Variants in ZNF407 observed in about 807,000 individuals in gnomAD.
The protein encoded by ZNF407 is zinc finger protein 407.
ZNF407 carries 17 observed loss-of-function variants against 131.2 expected under a neutral mutation model. The observed-to-expected ratio is 0.13, with a 90% CI of 0.09 to 0.19. The LOEUF (loss-of-function observed/expected upper bound fraction) is 0.19. Ranked by LOEUF, ZNF407 falls within the 10% of genes least tolerant of loss-of-function variation. The probability of loss-of-function intolerance (pLI) is 1.00; values close to 1 mark genes in which losing one functional copy is unlikely to be tolerated. For missense variants in ZNF407, 2,681 were observed against 2,830.6 expected, an observed-to-expected ratio of 0.95 and a Z score of 1.20; for synonymous variants, 1,156 against 1,062.0, an observed-to-expected ratio of 1.09 and a Z score of -1.72.
chr18:74,856,010 A>G (rs1970854350), intron 4 of ZNF407, among the ~76,000 whole-genome samples: 1 of 152,206 alleles, frequency 6.6e-6, no homozygotes, highest in Non-Finnish European at 1.5e-5. Flanking sequence ...TTTGTTTACA[A>G]CACTTACATG....
intron 3 of ZNF407, among the ~76,000 whole-genome samples, chr18:74,766,104 A>G (rs1292994654): frequency 6.6e-6 from 1 of 151,934 alleles, no homozygotes; most frequent in African/African-American, 2.4e-5. Flanking sequence ...TAAAGTTAAT[A>G]TACTTGTTAC....
chr18:74,987,804 A>G (rs1325186148), intron 8 of ZNF407, among the ~76,000 whole-genome samples: 1 of 152,220 alleles, frequency 6.6e-6, no homozygotes, highest in Non-Finnish European at 1.5e-5. Context: ...AGAGGAGTTA[A>G]AGAAGACCAA....
chr18:74,907,586 G>T (rs546172639), intron 7 of ZNF407, among the ~76,000 whole-genome samples: 3 of 152,298 alleles, frequency 2.0e-5, no homozygotes, highest in Non-Finnish European at 2.9e-5. Flanking sequence ...CCGGGATGTG[G>T]TTGATTTCCA....
chr18:75,022,367 G>A (rs1973121189), intron 8 of ZNF407, among the ~76,000 whole-genome samples: 1 of 152,142 alleles, frequency 6.6e-6, no homozygotes, highest in South Asian at 2.1e-4. Flanking sequence ...ATATCAAGGG[G>A]TTGGGGCCAC....
chr18:74,855,431 A>G (rs1286265925), intron 4 of ZNF407, among the ~76,000 whole-genome samples: 2 of 152,228 alleles, frequency 1.3e-5, no homozygotes, highest in Non-Finnish European at 2.9e-5. Flanking sequence ...AACAGTAATA[A>G]TCACAAAAGC....
chr18:74,671,742 G>A (rs59261846), intron 3 of ZNF407, among the ~76,000 whole-genome samples: 3,905 of 152,190 alleles, frequency 0.026, 146 homozygotes, highest in African/African-American at 0.083. Context: ...AATCCCTTTT[G>A]TGTGCTGTGA....
chr18:74,904,844 G>A lies in ZNF407; in HGVS notation c.5249+14806G>A, dbSNP rs150581723. ...ATATGATAAATATATCTGAAGCAGT[G>A]GCATATCAATATGTAAGTTTACTGT... On this transcript the variant is annotated intron_variant, in intron 7 of 8. Transcript: ENST00000299687. Among the ~76,000 whole-genome samples, 20 of 152,230 alleles carry A rather than the reference G, an allele frequency of 1.3e-4. 1 individual carries two copies. In the East Asian group the frequency reaches 3.9e-3, roughly 29 times the overall value.
At chr18:74,810,751 A>G (rs1193363176) in intron 4 of ZNF407, among the ~76,000 whole-genome samples, 1 of 152,204 alleles carries the variant, frequency 6.6e-6, no homozygotes, top group African/African-American at 2.4e-5. Context: ...GCAATGGGGA[A>G]AGGATTCCCT....
intron 3 of ZNF407, among the ~76,000 whole-genome samples, chr18:74,701,320 A>C (rs548708110): frequency 5.9e-5 from 9 of 152,228 alleles, no homozygotes; most frequent in Non-Finnish European, 8.8e-5. Flanking sequence ...CAGTGTGTTG[A>C]GCATCTCATC....
At chr18:74,818,125 A>T (rs941683498) in intron 4 of ZNF407, among the ~76,000 whole-genome samples, 1 of 152,206 alleles carries the variant, frequency 6.6e-6, no homozygotes, top group Non-Finnish European at 1.5e-5. Context: ...GCATCATTGC[A>T]TACATCTGGT....
At chr18:74,746,130 A>G (rs1968663099) in intron 3 of ZNF407, among the ~76,000 whole-genome samples, 1 of 152,178 alleles carries the variant, frequency 6.6e-6, no homozygotes, top group Admixed American at 6.5e-5. Flanking sequence ...ATGCGACTGT[A>G]CTGAGTGCTG....
intron 3 of ZNF407, among the ~76,000 whole-genome samples, chr18:74,659,353 CTA>C (rs955245971): frequency 6.6e-6 from 1 of 152,050 alleles, no homozygotes; most frequent in Non-Finnish European, 1.5e-5. Flanking sequence ...TAAAATATAT[CTA>C]TTTATGAAAT....
intron 4 of ZNF407, among the ~76,000 whole-genome samples, chr18:74,790,808 G>A (rs1969812125): frequency 6.6e-6 from 1 of 152,138 alleles, no homozygotes; most frequent in Non-Finnish European, 1.5e-5. Flanking sequence ...AAAATTTTTT[G>A]TGAGGAATTT....
chr18:74,980,266 T>C (rs1228064078), intron 8 of ZNF407, among the ~76,000 whole-genome samples: 1 of 151,950 alleles, frequency 6.6e-6, no homozygotes, highest in African/African-American at 2.4e-5. Flanking sequence ...TTTTTTTTTT[T>C]TTTTTCTTTA....
intron 4 of ZNF407, among the ~76,000 whole-genome samples, chr18:74,799,834 C>T (rs1300011628): frequency 6.7e-6 from 1 of 149,110 alleles, no homozygotes; most frequent in East Asian, 2.0e-4. Flanking sequence ...CATATTCAAA[C>T]ATGTTTTAGA....
At chr18:74,804,487 A>G (rs1599166196) in intron 4 of ZNF407, 4 of 987,708 alleles carry the variant, frequency 4.0e-6, no homozygotes, top group Non-Finnish European at 4.8e-6. Flanking sequence ...GGTTATTTGT[A>G]CCCTTTTGGG....
chr18:74,799,903 C>CTT (rs35021931), intron 4 of ZNF407, among the ~76,000 whole-genome samples: 14,897 of 131,252 alleles, frequency 0.11, 1,305 homozygotes, highest in African/African-American at 0.25. Flanking sequence ...AAAAAAAATC[C>CTT]TTTTTTTTTT....
intron 8 of ZNF407, among the ~76,000 whole-genome samples, chr18:74,995,284 C>A (rs1972767356): frequency 6.6e-6 from 1 of 152,086 alleles, no homozygotes; most frequent in African/African-American, 2.4e-5. Flanking sequence ...GAGACCACAT[C>A]CATGGTAAAC....
At chr18:74,741,544 G>A (rs1055414087) in intron 3 of ZNF407, among the ~76,000 whole-genome samples, 18 of 151,996 alleles carry the variant, frequency 1.2e-4, no homozygotes, top group Non-Finnish European at 1.8e-4. Flanking sequence ...TGAAAGGATG[G>A]TGTTCTATGT....
Sources: gnomAD v4.1 joint callset for allele counts (sites outside exome capture counted in the v4.1 genomes callset) on GRCh38, gnomAD v4.1.1 for gene constraint, MANE v1.5 for transcripts, NCBI Gene and HGNC (gene_info 2026-07-23, HGNC 2026-07-21) for gene names.